DZANK1: variants seen among roughly 807,000 people sequenced by gnomAD.
The protein encoded by DZANK1 is double zinc ribbon and ankyrin repeat domains 1, also known as double zinc ribbon and ankyrin repeat-containing protein 1.
A neutral mutation model predicts 94.5 loss-of-function variants in DZANK1; 91 were observed. The ratio of observed to expected loss-of-function variants is 0.96; its 90% CI spans 0.81 to 1.15. DZANK1 has a LOEUF of 1.15. Ranked by LOEUF, DZANK1 falls within the 50% of genes most tolerant of loss-of-function variation. The pLI, the probability that DZANK1 is intolerant of heterozygous loss-of-function variation, is 0.00. For synonymous variants in DZANK1, 312 were observed against 325.3 expected (o/e 0.96, Z 0.44); for missense variants, 903 against 916.4 (o/e 0.99, Z 0.19).
intron 19 of DZANK1, among the ~76,000 whole-genome samples, chr20:18,388,266 A>G (rs2048634239): frequency 2.0e-5 from 3 of 152,178 alleles, no homozygotes; most frequent in Admixed American, 1.3e-4. Context: ...AGGCTATTAC[A>G]CACCATTCAG....
chr20:18,405,617 G>A (rs754310831), intron 13 of DZANK1, among the ~76,000 whole-genome samples: 1 of 152,214 alleles, frequency 6.6e-6, no homozygotes, highest in Non-Finnish European at 1.5e-5. Context: ...AGCTCAAAAA[G>A]CTGGAGGTGG....
At chr20:18,393,862 A>G in intron 16 of DZANK1, 51 bp from the exon 17 acceptor site, 1 of 1,193,200 alleles carries the variant, frequency 8.4e-7, no homozygotes, top group South Asian at 1.3e-5. Flanking sequence ...CCAACTCCCC[A>G]CACAAACAGT....
rs554455844 is a variant in DZANK1, at chr20:18,399,855, C to T, written c.1433-1229G>A. ...CAGCCAGCCACAGCCCCTGCTGTGC[C>T]CTGTGGCCACTTGACTCTGCAAACC... On this transcript the variant is annotated intron_variant, in intron 13 of 20. Transcript: ENST00000262547. Among the ~76,000 whole-genome samples, 5 of 152,304 alleles carry T rather than the reference C, an allele frequency of 3.3e-5. No individual in the cohort carries two copies. In the South Asian group the frequency reaches 1.0e-3, roughly 32 times the overall value.
intron 13 of DZANK1, among the ~76,000 whole-genome samples, chr20:18,406,161 G>A (rs962102737): frequency 6.6e-6 from 1 of 152,236 alleles, no homozygotes; most frequent in African/African-American, 2.4e-5. Context: ...CTAGTGCTAG[G>A]CTAGGCTCAG....
intron 4 of DZANK1, 182 bp from the exon 5 acceptor site, chr20:18,454,009 G>C (rs1368432578): frequency 1.4e-6 from 1 of 705,074 alleles, no homozygotes; most frequent in Non-Finnish European, 2.6e-6. Flanking sequence ...GGACTGGGCT[G>C]CTCAGCTGGC....
chr20:18,402,253 A>G (rs932937411), intron 13 of DZANK1, among the ~76,000 whole-genome samples: 2 of 152,134 alleles, frequency 1.3e-5, no homozygotes, highest in Non-Finnish European at 2.9e-5. Flanking sequence ...TTTCTCTAAA[A>G]TAACAATTGG....
intron 1 of DZANK1, among the ~76,000 whole-genome samples, chr20:18,466,162 G>C (rs2059643760): frequency 6.6e-6 from 1 of 152,136 alleles, no homozygotes; most frequent in South Asian, 2.1e-4. Context: ...TTACATCTCT[G>C]TATTGCCTTT....
chr20:18,413,591 C>T (rs932185008), intron 12 of DZANK1, among the ~76,000 whole-genome samples: 4 of 152,000 alleles, frequency 2.6e-5, no homozygotes, highest in Non-Finnish European at 5.9e-5. Context: ...ATCAGCCCGA[C>T]CAACATGGTG....
At chr20:18,390,459 G>A (rs1344931706) in exon 18 of DZANK1, 2 of 1,613,610 alleles carry the variant, frequency 1.2e-6, no homozygotes, top group Admixed American at 1.7e-5. Context: ...CTGTTTTCAG[G>A]CTGCAGGATT....
intron 1 of DZANK1, among the ~76,000 whole-genome samples, chr20:18,466,313 G>A (rs2059650533): frequency 6.6e-6 from 1 of 152,142 alleles, no homozygotes; most frequent in Non-Finnish European, 1.5e-5. Flanking sequence ...TGGGCATTTA[G>A]GCTATTTCTA....
exon 16 of DZANK1, chr20:18,394,269 T>A (rs143991019): frequency 6.2e-7 from 1 of 1,613,608 alleles, no homozygotes; most frequent in African/African-American, 1.3e-5. Flanking sequence ...CTGGACCTGC[T>A]GCCGCACAGC....
chr20:18,425,251 G>A (rs910713565), intron 10 of DZANK1, among the ~76,000 whole-genome samples: 2 of 152,120 alleles, frequency 1.3e-5, no homozygotes, highest in African/African-American at 4.8e-5. Context: ...GTGATTAGAC[G>A]ACATTAAAAG....
At chr20:18,433,825 T>C in intron 8 of DZANK1, 60 bp from the exon 9 acceptor site, 2 of 1,444,790 alleles carry the variant, frequency 1.4e-6, no homozygotes, top group Non-Finnish European at 1.9e-6. Flanking sequence ...TGAATAGATC[T>C]TAGAATGTAA....
At chr20:18,442,389 T>C (rs4814750) in intron 8 of DZANK1, among the ~76,000 whole-genome samples, 62,618 of 152,002 alleles carry the variant, frequency 0.41, 13,505 homozygotes, top group Middle Eastern at 0.48. Flanking sequence ...AGAATCTCTA[T>C]AAGCTGCAAA....
In DZANK1 at chr20:18,393,691, G is replaced by C. The variant is rs1015212903; in HGVS notation, c.1809+20C>G. 6.6e-7 allele frequency: 1 copy of C among 1,509,900 alleles called. No individual in the cohort carries two copies. The highest frequency in any genetic ancestry group is 1.4e-5 in the African/African-American group (1 of 72,080). The allele number at this position is 1,509,900 out of a possible 1,614,324, so 93.5% of individuals were successfully genotyped here. ...ACAGGCTGAAGACAACATCCACAAGGACCAAAAAAAGACACTTACTATAAG... is the reference window on the plus strand; with the variant it reads ...ACAGGCTGAAGACAACATCCACAAGCACCAAAAAAAGACACTTACTATAAG... On this transcript the variant is annotated intron_variant, in intron 17 of 20. Coordinates refer to ENST00000262547, the Ensembl canonical transcript of DZANK1.
intron 17 of DZANK1, among the ~76,000 whole-genome samples, chr20:18,393,462 A>C (rs1429293110): frequency 3.3e-5 from 5 of 152,238 alleles, no homozygotes; most frequent in Non-Finnish European, 7.3e-5. Context: ...GTCGAAAGAT[A>C]GGCAGACAGA....
intron 10 of DZANK1, among the ~76,000 whole-genome samples, chr20:18,422,349 GT>G (rs1182213394): frequency 6.6e-6 from 1 of 152,094 alleles, no homozygotes; most frequent in Non-Finnish European, 1.5e-5. Flanking sequence ...TCAATTGATG[GT>G]AGATGCATGA....
At chr20:18,403,497 T>C (rs897103977) in intron 13 of DZANK1, among the ~76,000 whole-genome samples, 5 of 152,072 alleles carry the variant, frequency 3.3e-5, no homozygotes, top group African/African-American at 7.2e-5. Context: ...TGTAACAAAG[T>C]GTGGGAAAGT....
At chr20:18,442,361 C>T (rs567834025) in intron 8 of DZANK1, among the ~76,000 whole-genome samples, 2 of 152,264 alleles carry the variant, frequency 1.3e-5, no homozygotes, top group African/African-American at 4.8e-5. Context: ...CGTCTTCTTT[C>T]ACTAACACAT....
Sources: gnomAD v4.1 joint callset for allele counts (sites outside exome capture counted in the v4.1 genomes callset) on GRCh38, gnomAD v4.1.1 for gene constraint, MANE v1.5 for transcripts, NCBI Gene and HGNC (gene_info 2026-07-23, HGNC 2026-07-21) for gene names.